Variants in ROBO1 observed in about 807,000 individuals in gnomAD.
The protein encoded by ROBO1 is roundabout homolog 1.
A neutral mutation model predicts 195.9 loss-of-function variants in ROBO1; 149 were observed. That is an observed-to-expected ratio of 0.76 (90% confidence interval 0.67 to 0.87). The LOEUF is 0.87. Ranked by LOEUF, ROBO1 falls within the 40% of genes least tolerant of loss-of-function variation. ROBO1 has a pLI of 0.00. For synonymous variants in ROBO1, 816 were observed against 733.2 expected, an observed-to-expected ratio of 1.11 and a Z score of -1.82; for missense variants, 1,933 against 2,068.3, an observed-to-expected ratio of 0.93 and a Z score of 1.27.
rs904180987 is a variant in ROBO1 at position 79,662,784 on chromosome 3, A to T, written c.-50-72823T>A. 8.5e-5 allele frequency among the ~76,000 whole-genome samples: 13 copies of T among 152,160 alleles called. 1 individual carries two copies. In the East Asian group the frequency reaches 2.1e-3, roughly 25 times the overall value. ...GCAGCGAATATGAATAAAGTTGCAA[A>T]ACTGTGCCTTAGAAATGCCATGCTG... On this transcript the variant is annotated intron_variant, in intron 1 of 30. Coordinates refer to ENST00000464233, the MANE Select transcript of ROBO1 (RefSeq NM_002941.4).
At chr3:79,362,385 T>A (rs549639882) in intron 2 of ROBO1, among the ~76,000 whole-genome samples, 1 of 152,216 alleles carries the variant, frequency 6.6e-6, no homozygotes, top group East Asian at 1.9e-4. Flanking sequence ...TTGGATAAAA[T>A]TCAGAACATT....
At chr3:79,127,216 C>A (rs953894589) in intron 2 of ROBO1, among the ~76,000 whole-genome samples, 1 of 152,092 alleles carries the variant, frequency 6.6e-6, no homozygotes, top group South Asian at 2.1e-4. Context: ...AACTTTTAAG[C>A]CACATCAGTG....
At chr3:78,667,436 T>C (rs1559718730) in intron 14 of ROBO1, among the ~76,000 whole-genome samples, 1 of 152,122 alleles carries the variant, frequency 6.6e-6, no homozygotes, top group Non-Finnish European at 1.5e-5. Flanking sequence ...ATACTTTATT[T>C]AAAAATGTAC....
intron 2 of ROBO1, among the ~76,000 whole-genome samples, chr3:79,393,889 G>T (rs551099794): frequency 2.0e-5 from 3 of 152,244 alleles, no homozygotes; most frequent in African/African-American, 7.2e-5. Context: ...TAACATCTGT[G>T]AAGACGGGGC....
chr3:79,752,885 AGG>A (rs565659140), intron 1 of ROBO1, among the ~76,000 whole-genome samples: 124 of 152,272 alleles, frequency 8.1e-4, no homozygotes, highest in African/African-American at 2.8e-3. Flanking sequence ...ATAAAGACTG[AGG>A]GAAATCCCAA....
At chr3:79,087,070 T>G (rs1002585598) in intron 3 of ROBO1, among the ~76,000 whole-genome samples, 4 of 152,078 alleles carry the variant, frequency 2.6e-5, no homozygotes. Flanking sequence ...TCATATTTAA[T>G]TAATATGCAA....
Position 78,980,250 on chromosome 3 carries a change from T to C in ROBO1, c.173-41323A>G, listed in dbSNP as rs2076963003. Among the ~76,000 whole-genome samples, 4 of 152,146 alleles carry C rather than the reference T, an allele frequency of 2.6e-5. No homozygotes were observed. In the South Asian group the frequency reaches 8.3e-4, roughly 32 times the overall value. On this transcript the variant is annotated intron_variant, in intron 3 of 30. Coordinates refer to ENST00000464233, the MANE Select transcript of ROBO1 (RefSeq NM_002941.4). The stretch of plus-strand genomic sequence containing the variant: ...ACCTTTCTAAGACTGAGCAGGATGT[T>C]AGATGTCTGGACAGATGGTAAGGAT...
At chr3:79,542,452 G>T (rs1297005930) in intron 2 of ROBO1, among the ~76,000 whole-genome samples, 1 of 151,954 alleles carries the variant, frequency 6.6e-6, no homozygotes, top group African/African-American at 2.4e-5. Context: ...TAGAAAAACT[G>T]ACATATTTTA....
intron 3 of ROBO1, among the ~76,000 whole-genome samples, chr3:78,960,368 A>T (rs1041689776): frequency 6.7e-6 from 1 of 149,390 alleles, no homozygotes; most frequent in Non-Finnish European, 1.5e-5. Flanking sequence ...ATATATTAAT[A>T]TATTATATAG....
intron 2 of ROBO1, among the ~76,000 whole-genome samples, chr3:79,145,999 T>C (rs1221343593): frequency 6.7e-6 from 1 of 149,898 alleles, no homozygotes; most frequent in Non-Finnish European, 1.5e-5. Context: ...CCTTTGAGAA[T>C]AGTTCAAGTG....
intron 3 of ROBO1, among the ~76,000 whole-genome samples, chr3:79,077,252 AC>A (rs2079190099): frequency 6.6e-6 from 1 of 151,910 alleles, no homozygotes; most frequent in Non-Finnish European, 1.5e-5. Context: ...TTCTATGTAT[AC>A]AATATTTTTA....
chr3:79,602,107 C>T (rs1209584975), intron 1 of ROBO1, among the ~76,000 whole-genome samples: 1 of 151,976 alleles, frequency 6.6e-6, no homozygotes, highest in Non-Finnish European at 1.5e-5. Context: ...GATGCATATA[C>T]AGCCTAGTCA....
chr3:79,613,557 T>A (rs527637063), intron 1 of ROBO1, among the ~76,000 whole-genome samples: 2 of 152,154 alleles, frequency 1.3e-5, no homozygotes, highest in East Asian at 3.9e-4. Context: ...ACCATATCAA[T>A]AATTGCATGA....
chr3:78,679,664 G>T (rs2080840425), intron 10 of ROBO1, among the ~76,000 whole-genome samples: 1 of 152,126 alleles, frequency 6.6e-6, no homozygotes, highest in South Asian at 2.1e-4. Context: ...ACCACTCACT[G>T]CTCAATGAAA....
At chr3:79,367,039 C>T (rs1015552046) in intron 2 of ROBO1, among the ~76,000 whole-genome samples, 3 of 152,150 alleles carry the variant, frequency 2.0e-5, no homozygotes, top group Non-Finnish European at 2.9e-5. Context: ...CATCATTATC[C>T]ATAAATTGCA....
At chr3:79,384,171 A>G (rs574161145) in intron 2 of ROBO1, among the ~76,000 whole-genome samples, 2 of 152,130 alleles carry the variant, frequency 1.3e-5, no homozygotes, top group East Asian at 3.9e-4. Context: ...TAAAGAAAAT[A>G]TCTTATACTT....
intron 2 of ROBO1, among the ~76,000 whole-genome samples, chr3:79,506,827 T>G (rs968511306): frequency 3.3e-5 from 5 of 152,214 alleles, no homozygotes; most frequent in African/African-American, 1.2e-4. Flanking sequence ...TATGTGCAAC[T>G]TACATATTAG....
At chr3:79,177,191 T>G (rs1374363723) in intron 2 of ROBO1, among the ~76,000 whole-genome samples, 1 of 152,214 alleles carries the variant, frequency 6.6e-6, no homozygotes, top group Non-Finnish European at 1.5e-5. Context: ...AAAGGGAAAC[T>G]TAGATTCTTC....
chr3:78,737,849 T>G (rs188935012), intron 5 of ROBO1, among the ~76,000 whole-genome samples: 1 of 152,330 alleles, frequency 6.6e-6, no homozygotes, highest in African/African-American at 2.4e-5. Context: ...ATTGACACTT[T>G]ATGTAAGATG....
Sources: allele counts gnomAD v4.1 joint callset (sites outside exome capture counted in the v4.1 genomes callset), GRCh38; gene constraint gnomAD v4.1.1; transcripts MANE v1.5; gene names NCBI Gene and HGNC (gene_info 2026-07-23, HGNC 2026-07-21).